Variants in WWOX observed in about 807,000 individuals in gnomAD.
WWOX encodes WW domain-containing oxidoreductase.
A neutral mutation model predicts 46.2 loss-of-function variants in WWOX; 69 were observed. The observed-to-expected ratio is 1.49, with a 90% CI of 1.23 to 1.82. The LOEUF (loss-of-function observed/expected upper bound fraction) is 1.82. Among genes scored for constraint, WWOX ranks in the 40% most tolerant of loss-of-function variants. The pLI, the probability that WWOX is intolerant of heterozygous loss-of-function variation, is 0.00. For synonymous variants in WWOX, 359 were observed against 202.6 expected (o/e 1.77, Z -6.56); for missense variants, 919 against 542.6 (o/e 1.69, Z -6.89).
At chr16:78,758,952 CA>C (rs2049724874) in intron 8 of WWOX, among the ~76,000 whole-genome samples, 1 of 137,836 alleles carries the variant, frequency 7.3e-6, no homozygotes, top group Non-Finnish European at 1.6e-5. Context: ...AAAAAAAAAA[CA>C]AAAAACCTTC....
intron 8 of WWOX, among the ~76,000 whole-genome samples, chr16:78,628,291 T>G (rs72792786): frequency 0.051 from 7,729 of 152,214 alleles, 290 homozygotes; most frequent in Non-Finnish European, 0.074. Context: ...TCCTGAAGTT[T>G]CCCTTTCTTT....
chr16:79,181,986 C>T (rs1374746777), intron 8 of WWOX, among the ~76,000 whole-genome samples: 1 of 152,202 alleles, frequency 6.6e-6, no homozygotes. Flanking sequence ...AGTGAACCTT[C>T]TGACAATCCC....
At chr16:78,654,373 C>T (rs1038218736) in intron 8 of WWOX, among the ~76,000 whole-genome samples, 6 of 152,116 alleles carry the variant, frequency 3.9e-5, no homozygotes, top group East Asian at 1.9e-4. Flanking sequence ...TTCACACCAG[C>T]GGTATTTATG....
intron 5 of WWOX, among the ~76,000 whole-genome samples, chr16:78,349,170 A>C (rs1297312716): frequency 8.3e-6 from 1 of 120,592 alleles, no homozygotes; most frequent in African/African-American, 2.8e-5. Context: ...TTCTCACGTG[A>C]CCTAGCCGCT....
intron 8 of WWOX, among the ~76,000 whole-genome samples, chr16:78,571,422 A>G (rs1356492983): frequency 1.3e-5 from 2 of 152,182 alleles, no homozygotes; most frequent in Admixed American, 6.5e-5. Flanking sequence ...CATTTGACAC[A>G]TTATGTTTTA....
intron 8 of WWOX, among the ~76,000 whole-genome samples, chr16:78,924,335 G>C (rs1235461331): frequency 6.6e-6 from 1 of 152,106 alleles, no homozygotes; most frequent in Non-Finnish European, 1.5e-5. Flanking sequence ...TTTAAACTTT[G>C]TTTGAAAAAT....
chr16:79,003,291 A>C (rs536566574), intron 8 of WWOX, among the ~76,000 whole-genome samples: 1 of 152,152 alleles, frequency 6.6e-6, no homozygotes, highest in African/African-American at 2.4e-5. Context: ...ATCAAAGTCT[A>C]TTGTCACAAG....
chr16:78,937,509 G>A lies in WWOX; in HGVS notation c.1057-274099G>A, dbSNP rs772436709. Among the ~76,000 whole-genome samples, 130 of 138,528 alleles carry A rather than the reference G, an allele frequency of 9.4e-4. 1 individual carries two copies. The highest frequency in any genetic ancestry group is 2.5e-3 in the Admixed American group (33 of 13,038). The allele number at this position is 138,528 out of a possible 152,430, so 90.9% of individuals were successfully genotyped here. A position where few individuals can be genotyped will look rare whatever the true frequency, so the allele number is the denominator to read the frequency against. On this transcript the variant is annotated intron_variant, in intron 8 of 8. Transcript: ENST00000566780. ...GGGGTTTCACTGTGTTGCCCAGGCT[G>A]GTCTCAAACTCCTGAGTTCAAGTGA...
chr16:78,144,472 T>TATATATATATATATATATATATACAC lies in WWOX; in HGVS notation c.410-19696_410-19695insTATATATACACATATATATATATATA, dbSNP rs1567596407. Among the ~76,000 whole-genome samples, 40 of 30,486 alleles carry TATATATATATATATATATATATACAC rather than the reference T, an allele frequency of 1.3e-3. 2 individuals are homozygous for TATATATATATATATATATATATACAC. Among genetic ancestry groups the TATATATATATATATATATATATACAC allele is most frequent in the African/African-American group, 2.6e-3 (18 of 6,812 alleles). 20.0% of individuals were successfully genotyped at this position (30,486 alleles called of 152,430 possible). A position where few individuals can be genotyped will look rare whatever the true frequency, so the allele number is the denominator to read the frequency against. On this transcript the variant is annotated intron_variant, in intron 4 of 8. Coordinates refer to ENST00000566780, the MANE Select transcript of WWOX (RefSeq NM_016373.4). ...ACACATATATATATATACACACATATATATATATATATATACACACACACA... is the reference window on the plus strand; with the variant it reads ...ACACATATATATATATACACACATATATATATATATATATATATATATACACATATATATATATATACACACACACA...
chr16:78,321,276 A>AT (rs2080461219), intron 5 of WWOX, among the ~76,000 whole-genome samples: 1 of 114,824 alleles, frequency 8.7e-6, no homozygotes, highest in Admixed American at 8.7e-5. Context: ...TTAGTTTTTT[A>AT]AATATATATA....
chr16:78,101,363 T>TTTTTTTTTTTTTTTAA (rs1555533361), intron 1 of WWOX, among the ~76,000 whole-genome samples: 2 of 143,534 alleles, frequency 1.4e-5, no homozygotes, highest in Non-Finnish European at 3.1e-5. Flanking sequence ...TTTTTTTTTT[T>TTTTTTTTTTTTTTTAA]AAAGACAGGG....
intron 8 of WWOX, among the ~76,000 whole-genome samples, chr16:79,001,510 A>C (rs10492906): frequency 0.15 from 22,139 of 152,168 alleles, 1,779 homozygotes; most frequent in East Asian, 0.28. Context: ...TACCCAGTAG[A>C]GAAATTAAGT....
At chr16:78,353,554 A>G (rs1026160966) in intron 5 of WWOX, among the ~76,000 whole-genome samples, 1 of 152,254 alleles carries the variant, frequency 6.6e-6, no homozygotes, top group Non-Finnish European at 1.5e-5. Flanking sequence ...ACTTTCTGAA[A>G]TAATCCTTAG....
intron 8 of WWOX, among the ~76,000 whole-genome samples, chr16:78,904,918 C>G (rs1321438556): frequency 2.0e-5 from 3 of 152,148 alleles, no homozygotes; most frequent in African/African-American, 7.2e-5. Flanking sequence ...CATTCCTTTT[C>G]CCAGTTGGTG....
chr16:78,681,118 G>A (rs181144765), intron 8 of WWOX, among the ~76,000 whole-genome samples: 12 of 152,232 alleles, frequency 7.9e-5, no homozygotes, highest in Admixed American at 5.9e-4. Context: ...GCGTGGTGGC[G>A]CATGCCTGTA....
chr16:78,674,011 C>T (rs569883542), intron 8 of WWOX, among the ~76,000 whole-genome samples: 7 of 151,966 alleles, frequency 4.6e-5, no homozygotes, highest in East Asian at 1.9e-4. Context: ...TGCAAGAGAC[C>T]GCTTGAAATT....
intron 8 of WWOX, among the ~76,000 whole-genome samples, chr16:78,649,447 C>G (rs1278932500): frequency 6.6e-6 from 1 of 151,290 alleles, no homozygotes; most frequent in Non-Finnish European, 1.5e-5. Flanking sequence ...CCATACCCAG[C>G]TGTTGAAAAA....
intron 8 of WWOX, among the ~76,000 whole-genome samples, chr16:79,156,317 C>A (rs2050380742): frequency 6.6e-6 from 1 of 152,196 alleles, no homozygotes; most frequent in South Asian, 2.1e-4. Flanking sequence ...CGCACCAACA[C>A]ACTTGGCTAA....
intron 8 of WWOX, among the ~76,000 whole-genome samples, chr16:78,458,626 T>C (rs769264007): frequency 2.6e-5 from 4 of 152,098 alleles, no homozygotes; most frequent in Non-Finnish European, 5.9e-5. Flanking sequence ...TATGTGGTCA[T>C]TTAAAATTAT....
Sources: allele counts gnomAD v4.1 joint callset (sites outside exome capture counted in the v4.1 genomes callset), GRCh38; gene constraint gnomAD v4.1.1; transcripts MANE v1.5; gene names NCBI Gene and HGNC (gene_info 2026-07-23, HGNC 2026-07-21).